QNG1: variants seen among roughly 807,000 people sequenced by gnomAD.
The protein encoded by QNG1 is queuosine 5'-phosphate N-glycosylase/hydrolase.
the QNG1 span, among the ~76,000 whole-genome samples, chr9:83,944,420 C>A: frequency 6.6e-6 from 1 of 152,154 alleles, no homozygotes; most frequent in Non-Finnish European, 1.5e-5. Context: ...CACTCAAAAG[C>A]CAATTCATAT....
At chr9:83,956,742 C>T in the QNG1 span, 1 of 411,502 alleles carries the variant, frequency 2.4e-6, no homozygotes, top group Non-Finnish European at 4.3e-6. Context: ...CAAGCACTTC[C>T]GGGAAAGCGG....
At chr9:83,941,683 C>T in the QNG1 span, among the ~76,000 whole-genome samples, 1 of 151,878 alleles carries the variant, frequency 6.6e-6, no homozygotes, top group African/African-American at 2.4e-5. Context: ...GAGGCCAAGG[C>T]GGGTGGATCA....
chr9:83,953,756 CAA>C, the QNG1 span: 4 of 1,529,298 alleles, frequency 2.6e-6, no homozygotes, highest in South Asian at 2.4e-5. Flanking sequence ...CTCCCAGGTT[CAA>C]AAGATTCCAA....
chr9:83,945,057 G>C, the QNG1 span: 1 of 1,239,840 alleles, frequency 8.1e-7, no homozygotes, highest in Non-Finnish European at 1.1e-6. Flanking sequence ...ATTTTTTAAA[G>C]GTGCAGTTGA....
At chr9:83,951,538 G>A in the QNG1 span, among the ~76,000 whole-genome samples, 1 of 152,158 alleles carries the variant, frequency 6.6e-6, no homozygotes, top group Non-Finnish European at 1.5e-5. Flanking sequence ...TGCAGCCTGG[G>A]TGACAGCGAG....
chr9:83,939,790 T>G, the QNG1 span: 4 of 1,300,034 alleles, frequency 3.1e-6, no homozygotes, highest in Non-Finnish European at 3.3e-6. Context: ...CAATGATACA[T>G]AATCTACTTG....
chr9:83,946,942 G>A, the QNG1 span, among the ~76,000 whole-genome samples: 498 of 151,278 alleles, frequency 3.3e-3, 2 homozygotes, highest in African/African-American at 0.011. Context: ...GTGGTGGCAC[G>A]TGCCTGTAGT....
chr9:83,947,479 C>T, the QNG1 span, among the ~76,000 whole-genome samples: 1 of 152,158 alleles, frequency 6.6e-6, no homozygotes, highest in Non-Finnish European at 1.5e-5. Context: ...TAAATTAAAA[C>T]TTCTAAAGCT....
At chr9:83,944,237 A>G in the QNG1 span, among the ~76,000 whole-genome samples, 1 of 152,242 alleles carries the variant, frequency 6.6e-6, no homozygotes, top group Non-Finnish European at 1.5e-5. Context: ...TTCCTCATAC[A>G]AGGAAATGTT....
chr9:83,956,244 T>C, the QNG1 span: 1 of 1,614,072 alleles, frequency 6.2e-7, no homozygotes, highest in Non-Finnish European at 8.5e-7. Flanking sequence ...CACCACACAC[T>C]TGTGCTCGTC....
chr9:83,939,582 C>T, the QNG1 span: 1 of 1,613,938 alleles, frequency 6.2e-7, no homozygotes, highest in Non-Finnish European at 8.5e-7. Context: ...TGGGCATAGT[C>T]CCATAAGTAA....
the QNG1 span, among the ~76,000 whole-genome samples, chr9:83,946,173 C>T: frequency 4.6e-5 from 7 of 151,776 alleles, no homozygotes; most frequent in Non-Finnish European, 5.9e-5. Context: ...GGTGTGGTGG[C>T]GATCGCCTGT....
chr9:83,948,818 T>C, the QNG1 span, among the ~76,000 whole-genome samples: 3 of 152,194 alleles, frequency 2.0e-5, no homozygotes, highest in Non-Finnish European at 2.9e-5. Context: ...CTCTGAAACA[T>C]GTGCTGGGTC....
At chr9:83,947,374 A>AAAATATACAGGGTATATT in the QNG1 span, among the ~76,000 whole-genome samples, 8 of 152,220 alleles carry the variant, frequency 5.3e-5, no homozygotes, top group African/African-American at 1.9e-4. Context: ...AGAAAATGCC[A>AAAATATACAGGGTATATT]ATGATACCCT....
the QNG1 span, chr9:83,955,255 GT>G: frequency 2.0e-4 from 192 of 941,886 alleles, no homozygotes; most frequent in Non-Finnish European, 2.8e-4. Flanking sequence ...ACTTGATTTT[GT>G]TAGTTTCTTC....
the QNG1 span, among the ~76,000 whole-genome samples, chr9:83,940,763 T>G: frequency 6.6e-6 from 1 of 152,236 alleles, no homozygotes. Context: ...AAGCTGTATT[T>G]GGCCTCTGGC....
At chr9:83,956,776 C>T in the QNG1 span, 1 of 369,756 alleles carries the variant, frequency 2.7e-6, no homozygotes. Flanking sequence ...CTCTCGGGCG[C>T]GCTCTCAGGC....
the QNG1 span, among the ~76,000 whole-genome samples, chr9:83,948,124 C>T: frequency 1.3e-4 from 19 of 151,608 alleles, no homozygotes; most frequent in East Asian, 1.6e-3. Context: ...TCTGCCCCGC[C>T]GCCCCGTCTG....
At chr9:83,956,093 T>C in the QNG1 span, 1 of 1,482,506 alleles carries the variant, frequency 6.7e-7, no homozygotes, top group Non-Finnish European at 9.2e-7. Context: ...TCCTTGGAAC[T>C]CCCCTACACA....
Sources: gnomAD v4.1 joint callset for allele counts (sites outside exome capture counted in the v4.1 genomes callset) on GRCh38, gnomAD v4.1.1 for gene constraint, MANE v1.5 for transcripts, NCBI Gene and HGNC (gene_info 2026-07-23, HGNC 2026-07-21) for gene names.